Variants in ANKRD18B observed in about 807,000 individuals in gnomAD.
The protein encoded by ANKRD18B is ankyrin repeat domain 18B.
A neutral mutation model predicts 111.8 loss-of-function variants in ANKRD18B; 75 were observed. That is an observed-to-expected ratio of 0.67 (90% CI 0.56 to 0.81). The LOEUF (loss-of-function observed/expected upper bound fraction) is 0.81, where lower values mean the gene tolerates loss of function less well. Among genes scored for constraint, ANKRD18B ranks in the 40% least tolerant of loss-of-function variants. The pLI, the probability that ANKRD18B is intolerant of heterozygous loss-of-function variation, is 0.00. For synonymous variants in ANKRD18B, 356 were observed against 417.3 expected, an observed-to-expected ratio of 0.85 and a Z score of 1.79; for missense variants, 1,038 against 1,225.5, an observed-to-expected ratio of 0.85 and a Z score of 2.28.
chr9:33,537,030 C>T, intron 6 of ANKRD18B, 85 bp downstream of exon 6: 1 of 1,044,510 alleles, frequency 9.6e-7, no homozygotes, highest in Non-Finnish European at 1.3e-6. Flanking sequence ...GGCATGGTGG[C>T]TCACACCTGT....
intron 10 of ANKRD18B, among the ~76,000 whole-genome samples, chr9:33,544,564 G>A (rs1029933954): frequency 1.1e-4 from 16 of 152,094 alleles, no homozygotes; most frequent in African/African-American, 2.4e-4. Context: ...AATTCTGGGC[G>A]TGGTGGCTCA....
intron 4 of ANKRD18B, among the ~76,000 whole-genome samples, 197 bp from the exon 5 acceptor site, chr9:33,534,173 G>A (rs577239324): frequency 6.6e-6 from 1 of 152,084 alleles, no homozygotes; most frequent in East Asian, 1.9e-4. Flanking sequence ...TGTTGTCCCT[G>A]CCTTTTAGCC....
chr9:33,527,169 G>GA (rs899254072), intron 1 of ANKRD18B, among the ~76,000 whole-genome samples: 6 of 152,102 alleles, frequency 3.9e-5, no homozygotes, highest in African/African-American at 1.2e-4. Context: ...CTGCCCTTTT[G>GA]AAAATTTATC....
downstream of ANKRD18B, chr9:33,573,181 A>G: frequency 3.0e-6 from 3 of 985,320 alleles, no homozygotes; most frequent in Non-Finnish European, 3.6e-6. Flanking sequence ...TAGAATGAGT[A>G]ATTTTTCTTA....
intron 9 of ANKRD18B, among the ~76,000 whole-genome samples, 166 bp from the exon 10 acceptor site, chr9:33,543,019 G>C (rs146034147): frequency 6.6e-6 from 1 of 151,874 alleles, no homozygotes; most frequent in Admixed American, 6.6e-5. Context: ...TAAAGTTTTA[G>C]ATAATTAGAA....
intron 12 of ANKRD18B, 54 bp from the exon 13 acceptor site, chr9:33,555,654 A>G (rs1828514867): frequency 2.5e-6 from 3 of 1,181,754 alleles, no homozygotes; most frequent in South Asian, 5.5e-5. Context: ...TATTTTTAAG[A>G]TAGAAGAGGG....
At chr9:33,554,319 T>C (rs1464913014) in intron 12 of ANKRD18B, among the ~76,000 whole-genome samples, 3 of 152,102 alleles carry the variant, frequency 2.0e-5, no homozygotes, top group Admixed American at 6.6e-5. Context: ...CAACATAAAA[T>C]AGACAAGATT....
intron 9 of ANKRD18B, among the ~76,000 whole-genome samples, chr9:33,541,783 T>G (rs1828283208): frequency 6.6e-6 from 1 of 152,254 alleles, no homozygotes; most frequent in African/African-American, 2.4e-5. Context: ...TAATTTGTTT[T>G]GCTTTTTAAA....
intron 6 of ANKRD18B, among the ~76,000 whole-genome samples, chr9:33,538,419 T>C (rs548938117): frequency 1.2e-4 from 18 of 152,296 alleles, no homozygotes; most frequent in South Asian, 8.3e-4. Context: ...ATTATCATAA[T>C]AATAGTAATT....
chr9:33,543,264 C>A lies in ANKRD18B; in HGVS notation c.1149+9C>A, dbSNP rs999382790. The stretch of plus-strand genomic sequence containing the variant: ...AAAATAAACAGCCGCAGGTATATAA[C>A]AATTTAAATTTCTGGTTTAATATTG... On this transcript the variant is annotated intron_variant, in intron 10 of 18. Coordinates refer to ENST00000684830, the MANE Select transcript of ANKRD18B (RefSeq NM_001393611.1). The A allele has an allele frequency of 1.3e-6, 2 of 1,541,522 alleles. No individual in the cohort carries two copies. The highest frequency in any genetic ancestry group is 8.8e-7 in the Non-Finnish European group (1 of 1,141,662).
Position 33,541,127 on chromosome 9 carries a change from C to A in ANKRD18B, c.998-20C>A, listed in dbSNP as rs1828272076. On this transcript the variant is annotated intron_variant, in intron 8 of 18. Coordinates refer to ENST00000684830, the MANE Select transcript of ANKRD18B (RefSeq NM_001393611.1). ...GATGTTTTCCAGAAGGAATATCTAACAAGTTTGCGTGTTTGACAGAAACAG... is the reference window on the plus strand; with the variant it reads ...GATGTTTTCCAGAAGGAATATCTAAAAAGTTTGCGTGTTTGACAGAAACAG... 6.5e-7 allele frequency: 1 copy of A among 1,536,562 alleles called. No individual in the cohort carries two copies.
At chr9:33,545,912 T>A (rs535985721) in intron 10 of ANKRD18B, among the ~76,000 whole-genome samples, 2 of 152,194 alleles carry the variant, frequency 1.3e-5, no homozygotes, top group Non-Finnish European at 2.9e-5. Context: ...TGTGTCAAAG[T>A]AGATTAGTGC....
In ANKRD18B at chr9:33,534,401, T is replaced by C. The variant is rs1364107671; in HGVS notation, c.634T>C (p.Leu212=). 2.1e-5 allele frequency: 32 copies of C among 1,549,814 alleles called. No homozygotes were observed. The highest frequency in any genetic ancestry group is 1.9e-5 in the Non-Finnish European group (22 of 1,146,430). The change falls in exon 5 of 19, where the codon TTG becomes CTG. Residue 212 remains leucine, a synonymous_variant. Transcript: ENST00000684830. ...CCTCATACTTGCAGTACAGCATAAC[T>C]TGTCAAGTATCGTCACCCTCCTGCT... ...TALILAVQHN[L]SSIVTLLLQQ... is the part of the protein sequence containing the mutation.
At chr9:33,565,355 A>G (rs1228801984) in intron 14 of ANKRD18B, among the ~76,000 whole-genome samples, 1 of 152,200 alleles carries the variant, frequency 6.6e-6, no homozygotes, top group South Asian at 2.1e-4. Context: ...GTTGTATTCT[A>G]TGGCCTTTAC....
At chr9:33,574,802 G>A (rs376470413), downstream of ANKRD18B, among the ~76,000 whole-genome samples, 2 of 152,202 alleles carry the variant, frequency 1.3e-5, no homozygotes, top group African/African-American at 4.8e-5. Context: ...TCAGTTCAGG[G>A]GATAGAGGAC....
rs768187192 is a variant in ANKRD18B at position 33,567,230 on chromosome 9, A to T, written c.2870A>T (p.Asp957Val). Residue 957 changes from aspartate to valine, a missense_variant, in exon 16 of 19, where the codon GAT becomes GTT. Physicochemically the swap from Asp to Val is radical, Grantham distance 152. This residue lies in a region of ANKRD18B where 524 missense variants were observed against 677.9 expected (regional missense o/e 0.77). Transcript: ENST00000684830. ...KFSKMKTAYE[D>V]VTTELEEYKE... Reference sequence around the variant, plus strand: ...TCCAAAATGAAAACAGCTTATGAAGATGTTACAACTGAATTAGAAGAGTAT... The same window carrying T: ...TCCAAAATGAAAACAGCTTATGAAGTTGTTACAACTGAATTAGAAGAGTAT... 28 of 1,550,234 alleles carry T rather than the reference A, an allele frequency of 1.8e-5. No individual in the cohort carries two copies. The highest frequency in any genetic ancestry group is 2.4e-5 in the Non-Finnish European group (27 of 1,146,346).
intron 1 of ANKRD18B, among the ~76,000 whole-genome samples, chr9:33,527,557 A>T (rs1431395163): frequency 6.6e-6 from 1 of 152,192 alleles, no homozygotes; most frequent in African/African-American, 2.4e-5. Flanking sequence ...CCTGACCTAG[A>T]GATCCACCCG....
intron 13 of ANKRD18B, among the ~76,000 whole-genome samples, chr9:33,557,056 GT>G (rs1347777418): frequency 4.6e-5 from 7 of 151,988 alleles, no homozygotes; most frequent in Admixed American, 2.0e-4. Context: ...ACTTAAGTTG[GT>G]TTTCTGATTC....
intron 14 of ANKRD18B, among the ~76,000 whole-genome samples, chr9:33,560,468 T>C (rs543588426): frequency 6.6e-6 from 1 of 152,346 alleles, no homozygotes; most frequent in Admixed American, 6.5e-5. Flanking sequence ...GTGTAGACAC[T>C]TGTGGGCCTG....
Sources: gnomAD v4.1 joint callset for allele counts (sites outside exome capture counted in the v4.1 genomes callset) on GRCh38, gnomAD v4.1.1 for gene constraint, gnomAD v4.1.1 regional missense constraint, MANE v1.5 for transcripts, NCBI Gene and HGNC (gene_info 2026-07-23, HGNC 2026-07-21) for gene names.